The following ATP9A variants were observed in gnomAD, a reference collection of about 807,000 sequenced individuals.
ATP9A encodes probable phospholipid-transporting ATPase IIA.
ATP9A carries 52 observed loss-of-function variants against 144.1 expected under a neutral mutation model. The observed-to-expected ratio is 0.36, with a 90% CI of 0.29 to 0.45. The LOEUF is 0.45. Among genes scored for constraint, ATP9A ranks in the 20% least tolerant of loss-of-function variants. ATP9A has a pLI of 1.00. For synonymous variants in ATP9A, 582 were observed against 557.4 expected, an observed-to-expected ratio of 1.04 and a Z score of -0.62; for missense variants, 947 against 1,392.7, an observed-to-expected ratio of 0.68 and a Z score of 5.09.
At chr20:51,628,417 C>T (rs552027100) in intron 16 of ATP9A, among the ~76,000 whole-genome samples, 10 of 152,214 alleles carry the variant, frequency 6.6e-5, no homozygotes, top group African/African-American at 2.4e-4. Flanking sequence ...AGTGACTTGT[C>T]CCTAACAAAC....
At chr20:51,703,140 C>T (rs1295855904) in intron 4 of ATP9A, among the ~76,000 whole-genome samples, 2 of 152,086 alleles carry the variant, frequency 1.3e-5, no homozygotes. Context: ...AAGATCTAAC[C>T]ACCTGATCTT....
intron 15 of ATP9A, among the ~76,000 whole-genome samples, chr20:51,638,633 C>T (rs536028847): frequency 9.2e-5 from 14 of 152,100 alleles, no homozygotes; most frequent in African/African-American, 2.9e-4. Context: ...GAGTCCCAGG[C>T]AGGAGAATCG....
chr20:51,666,526 T>C (rs895609352), intron 13 of ATP9A, among the ~76,000 whole-genome samples: 5 of 151,534 alleles, frequency 3.3e-5, no homozygotes, highest in South Asian at 2.1e-4. Flanking sequence ...ACTAAAAATA[T>C]AAAAATTAGC....
intron 1 of ATP9A, among the ~76,000 whole-genome samples, chr20:51,742,797 G>A (rs908367581): frequency 1.2e-4 from 18 of 152,188 alleles, no homozygotes; most frequent in African/African-American, 4.1e-4. Flanking sequence ...TTAGAGGCAT[G>A]AGCCGCCGCA....
At chr20:51,643,368 T>C (rs541597341) in intron 14 of ATP9A, among the ~76,000 whole-genome samples, 2 of 152,366 alleles carry the variant, frequency 1.3e-5, no homozygotes, top group East Asian at 3.9e-4. Context: ...ATTTGTTTAA[T>C]TTAATGGCTA....
At chr20:51,628,753 G>A (rs954964316) in intron 16 of ATP9A, among the ~76,000 whole-genome samples, 7 of 152,194 alleles carry the variant, frequency 4.6e-5, no homozygotes, top group South Asian at 2.1e-4. Flanking sequence ...TCTGAATTAC[G>A]GCCAGTGGGA....
intron 22 of ATP9A, among the ~76,000 whole-genome samples, chr20:51,615,956 T>C (rs2077201556): frequency 6.6e-6 from 1 of 152,186 alleles, no homozygotes; most frequent in South Asian, 2.1e-4. Flanking sequence ...TAATTTTTTA[T>C]AGTGAGCACT....
chr20:51,664,707 T>C (rs932480745), intron 13 of ATP9A, among the ~76,000 whole-genome samples: 6 of 152,048 alleles, frequency 3.9e-5, no homozygotes, highest in African/African-American at 1.4e-4. Context: ...GAATTATAGA[T>C]TTAAACTTAA....
rs562266541 is a variant in ATP9A, at chr20:51,763,475, G to A, written c.68+4827C>T. ...CTACAAGTGCCCGCCACCACACCCA[G>A]CTAATTTTTTGTATTTTTAGTAGAG... On this transcript the variant is annotated intron_variant, in intron 1 of 27. Transcript: ENST00000338821. 1.6e-3 allele frequency among the ~76,000 whole-genome samples: 243 copies of A among 151,908 alleles called. 2 individuals are homozygous for A. The highest frequency in any genetic ancestry group is 0.015 in the Admixed American group (231 of 15,194).
At chr20:51,618,874 C>A in intron 20 of ATP9A, 68 bp from the exon 21 acceptor site, 1 of 1,588,124 alleles carries the variant, frequency 6.3e-7, no homozygotes, top group Non-Finnish European at 8.6e-7. Flanking sequence ...AGGTCGCTGC[C>A]GAGCCTGCAG....
intron 1 of ATP9A, among the ~76,000 whole-genome samples, chr20:51,731,871 A>C (rs2077743186): frequency 6.6e-6 from 1 of 152,154 alleles, no homozygotes. Flanking sequence ...TAGTTCCACC[A>C]AGATTGCTAT....
intron 15 of ATP9A, among the ~76,000 whole-genome samples, chr20:51,631,774 C>A (rs1360470080): frequency 1.3e-5 from 2 of 152,158 alleles, no homozygotes; most frequent in African/African-American, 2.4e-5. Context: ...CGTGGCTCCA[C>A]GTGGGAAGGG....
intron 1 of ATP9A, among the ~76,000 whole-genome samples, chr20:51,765,492 T>C (rs907217082): frequency 6.8e-6 from 1 of 147,874 alleles, no homozygotes; most frequent in African/African-American, 2.5e-5. Context: ...CCATCTGTAC[T>C]AAAAATACAA....
chr20:51,683,271 TTTA>T (rs2077508236), intron 9 of ATP9A, among the ~76,000 whole-genome samples: 1 of 151,864 alleles, frequency 6.6e-6, no homozygotes, highest in Admixed American at 6.6e-5. Flanking sequence ...TTTGTTTGTT[TTTA>T]TTTTTTTTGA....
At chr20:51,734,603 C>T (rs1268183596) in intron 1 of ATP9A, 1 of 152,218 alleles carries the variant, frequency 6.6e-6, no homozygotes, top group African/African-American at 2.4e-5. Context: ...CAAGAAATCC[C>T]AGTCCACGTG....
chr20:51,745,449 T>C (rs1308861768), intron 1 of ATP9A, among the ~76,000 whole-genome samples: 9 of 150,884 alleles, frequency 6.0e-5, no homozygotes, highest in Admixed American at 2.6e-4. Context: ...GGAAAAAAAT[T>C]AAAAGCCGTT....
chr20:51,765,963 AAG>A (rs2077902170), intron 1 of ATP9A, among the ~76,000 whole-genome samples: 1 of 152,172 alleles, frequency 6.6e-6, no homozygotes, highest in South Asian at 2.1e-4. Flanking sequence ...CTCAAAAAAA[AAG>A]AAAGATTAGT....
intron 2 of ATP9A, 145 bp from the exon 3 acceptor site, chr20:51,726,077 G>A: frequency 1.6e-6 from 1 of 617,262 alleles, no homozygotes; most frequent in Non-Finnish European, 2.9e-6. Flanking sequence ...ACTTTGGGAG[G>A]CCGAGGCGAG....
chr20:51,677,983 C>T (rs1020147552), intron 9 of ATP9A, among the ~76,000 whole-genome samples: 1 of 152,080 alleles, frequency 6.6e-6, no homozygotes, highest in Non-Finnish European at 1.5e-5. Context: ...TTTTACTTCT[C>T]TCCCCTTCTC....
Sources: allele counts gnomAD v4.1 joint callset (sites outside exome capture counted in the v4.1 genomes callset), GRCh38; gene constraint gnomAD v4.1.1; transcripts MANE v1.5; gene names NCBI Gene and HGNC (gene_info 2026-07-23, HGNC 2026-07-21).